Variants in HSD17B12 observed in about 807,000 individuals in gnomAD.
The protein encoded by HSD17B12 is very-long-chain 3-oxoacyl-CoA reductase.
Under a neutral mutation model 39.3 loss-of-function variants are expected in HSD17B12, and 32 were observed. The ratio of observed to expected loss-of-function variants is 0.81; its 90% confidence interval spans 0.61 to 1.09. The LOEUF (loss-of-function observed/expected upper bound fraction) is 1.09. Ranked by LOEUF, HSD17B12 falls within the 50% of genes least tolerant of loss-of-function variation. The probability of loss-of-function intolerance (pLI) is 0.00; values close to 1 mark genes in which losing one functional copy is unlikely to be tolerated. For synonymous variants in HSD17B12, 150 were observed against 146.7 expected (o/e 1.02, Z -0.16); for missense variants, 342 against 382.9 (o/e 0.89, Z 0.89).
chr11:43,824,147 A>G lies in HSD17B12; in HGVS notation c.502-6829A>G, dbSNP rs555677715. ...CTAGAGCTGAGTAGCTTCCGGATAT[A>G]TGCAGTAAGTTAGGCCTGCAGCTCT... On this transcript the variant is annotated intron_variant, in intron 6 of 10. Coordinates refer to ENST00000278353, the MANE Select transcript of HSD17B12 (RefSeq NM_016142.3). Among the ~76,000 whole-genome samples, 5 of 152,290 alleles carry G rather than the reference A, an allele frequency of 3.3e-5. No homozygotes were observed. In the South Asian group the frequency reaches 8.3e-4, roughly 25 times the overall value.
At chr11:43,730,778 G>A (rs1369308010) in intron 1 of HSD17B12, among the ~76,000 whole-genome samples, 1 of 152,060 alleles carries the variant, frequency 6.6e-6, no homozygotes, top group African/African-American at 2.4e-5. Flanking sequence ...ATGCCTTTAA[G>A]ATATATTTAA....
the HSD17B12 span, among the ~76,000 whole-genome samples, chr11:43,593,093 A>G: frequency 6.6e-6 from 1 of 152,192 alleles, no homozygotes; most frequent in African/African-American, 2.4e-5. Flanking sequence ...TGTTAATTTC[A>G]TGGTCTTTCT....
rs1950418312 is a variant in HSD17B12 at position 43,747,067 on chromosome 11, A to C, written c.161-3844A>C. 2.6e-5 allele frequency among the ~76,000 whole-genome samples: 4 copies of C among 152,240 alleles called. No homozygotes were observed. In the South Asian group the frequency reaches 8.3e-4, roughly 31 times the overall value. ...TGTAAGATACTGTACTTGTAAATAA[A>C]GACTTTTGAGAAACCAGGTTGTCAG... On this transcript the variant is annotated intron_variant, in intron 1 of 10. Transcript: ENST00000278353.
the HSD17B12 span, among the ~76,000 whole-genome samples, chr11:43,653,510 C>G: frequency 6.6e-6 from 1 of 152,056 alleles, no homozygotes. Context: ...ATTAACTTGT[C>G]ATTTAGCATT....
chr11:43,619,202 T>TATATATATATAAAATATATATATATG, the HSD17B12 span, among the ~76,000 whole-genome samples: 65 of 53,802 alleles, frequency 1.2e-3, no homozygotes, highest in African/African-American at 4.2e-3. Flanking sequence ...ATATATGATA[T>TATATATATATAAAATATATATATATG]ATATATATAT....
chr11:43,718,885 G>A, intron 1 of HSD17B12: 1 of 910,596 alleles, frequency 1.1e-6, no homozygotes, highest in East Asian at 2.4e-5. Context: ...GGAGAAACAA[G>A]CTTGACCACT....
chr11:43,619,997 A>G, the HSD17B12 span, among the ~76,000 whole-genome samples: 1 of 152,284 alleles, frequency 6.6e-6, no homozygotes, highest in South Asian at 2.1e-4. Context: ...AAAAGGGAAA[A>G]CTGCTTTTGT....
chr11:43,643,221 G>A, the HSD17B12 span, among the ~76,000 whole-genome samples: 1 of 151,990 alleles, frequency 6.6e-6, no homozygotes, highest in Non-Finnish European at 1.5e-5. Context: ...ATACGTCTGG[G>A]CATGTTACAG....
the HSD17B12 span, among the ~76,000 whole-genome samples, chr11:43,669,703 G>A: frequency 6.6e-6 from 1 of 151,964 alleles, no homozygotes; most frequent in Non-Finnish European, 1.5e-5. Context: ...TGCTTCCATT[G>A]TCTCTCCCTC....
At chr11:43,591,631 A>G in the HSD17B12 span, among the ~76,000 whole-genome samples, 3 of 152,104 alleles carry the variant, frequency 2.0e-5, no homozygotes, top group Admixed American at 6.5e-5. Context: ...TAAACTATAT[A>G]GTTTTATTTT....
chr11:43,752,290 A>T (rs1950471999), intron 2 of HSD17B12, among the ~76,000 whole-genome samples: 2 of 152,192 alleles, frequency 1.3e-5, no homozygotes, highest in South Asian at 4.1e-4. Flanking sequence ...AAACGTAATT[A>T]ATAAGGAATA....
intron 1 of HSD17B12, among the ~76,000 whole-genome samples, chr11:43,729,409 G>A (rs1164730243): frequency 6.6e-6 from 1 of 152,170 alleles, no homozygotes; most frequent in East Asian, 1.9e-4. Flanking sequence ...GTCTGTAACA[G>A]CACAACTATA....
intron 6 of HSD17B12, among the ~76,000 whole-genome samples, chr11:43,826,569 G>T (rs932585798): frequency 7.2e-5 from 11 of 152,202 alleles, no homozygotes; most frequent in Admixed American, 7.2e-4. Flanking sequence ...TGAATTTAAG[G>T]TTAAGTAATA....
chr11:43,564,333 A>G, the HSD17B12 span, among the ~76,000 whole-genome samples: 5 of 152,322 alleles, frequency 3.3e-5, no homozygotes, highest in East Asian at 1.9e-4. Flanking sequence ...CCAATTCACT[A>G]CAAAGGTTAT....
intron 1 of HSD17B12, among the ~76,000 whole-genome samples, chr11:43,716,746 T>C (rs1029539231): frequency 2.0e-5 from 3 of 147,728 alleles, no homozygotes; most frequent in Non-Finnish European, 4.5e-5. Context: ...ATTATACATA[T>C]ATATATATAT....
chr11:43,711,492 T>C (rs1452187882), intron 1 of HSD17B12, among the ~76,000 whole-genome samples: 1 of 150,136 alleles, frequency 6.7e-6, no homozygotes, highest in East Asian at 1.9e-4. Flanking sequence ...TTTTTTTTTT[T>C]GAGACAGGGT....
At chr11:43,758,931 C>T (rs1950534246) in intron 3 of HSD17B12, among the ~76,000 whole-genome samples, 1 of 152,194 alleles carries the variant, frequency 6.6e-6, no homozygotes, top group Admixed American at 6.5e-5. Context: ...AGGACACAAT[C>T]AAACCAGTGC....
intron 1 of HSD17B12, among the ~76,000 whole-genome samples, chr11:43,737,673 T>C (rs1175730315): frequency 6.6e-6 from 1 of 152,202 alleles, no homozygotes; most frequent in African/African-American, 2.4e-5. Flanking sequence ...TATAGCTTTT[T>C]TCTGTGTATT....
the HSD17B12 span, among the ~76,000 whole-genome samples, chr11:43,587,481 T>C: frequency 6.6e-6 from 1 of 152,232 alleles, no homozygotes; most frequent in South Asian, 2.1e-4. Flanking sequence ...TTTTTAGTTG[T>C]TCTTTTTTTT....
Sources: allele counts gnomAD v4.1 joint callset (sites outside exome capture counted in the v4.1 genomes callset), GRCh38; gene constraint gnomAD v4.1.1; transcripts MANE v1.5; gene names NCBI Gene and HGNC (gene_info 2026-07-23, HGNC 2026-07-21).